DOC2B: variants seen among roughly 807,000 people sequenced by gnomAD.
The protein encoded by DOC2B is double C2 domain beta.
DOC2B carries 21 observed loss-of-function variants against 28.9 expected under a neutral mutation model. That is an observed-to-expected ratio of 0.73 (90% confidence interval 0.52 to 1.05). The LOEUF (loss-of-function observed/expected upper bound fraction) is 1.05. Among genes scored for constraint, DOC2B ranks in the 50% least tolerant of loss-of-function variants. DOC2B has a pLI of 0.00. For synonymous variants in DOC2B, 194 were observed against 178.1 expected, an observed-to-expected ratio of 1.09 and a Z score of -0.71; for missense variants, 384 against 421.1, an observed-to-expected ratio of 0.91 and a Z score of 0.77.
intron 5 of DOC2B, among the ~76,000 whole-genome samples, chr17:158,959 A>G (rs999946484): frequency 3.3e-5 from 5 of 149,788 alleles, no homozygotes; most frequent in African/African-American, 1.2e-4. Context: ...CAGAAGAATC[A>G]CTTGAACCCG....
chr17:170,498 G>A (rs1276890249), intron 2 of DOC2B, among the ~76,000 whole-genome samples: 1 of 152,066 alleles, frequency 6.6e-6, no homozygotes, highest in Non-Finnish European at 1.5e-5. Flanking sequence ...GGGGCAGGGG[G>A]CCTGCAGGTT....
chr17:161,618 C>T, intron 4 of DOC2B, 77 bp from the exon 5 acceptor site: 1 of 1,534,106 alleles, frequency 6.5e-7, no homozygotes, highest in East Asian at 2.5e-5. Flanking sequence ...GCAGGTAGGG[C>T]CAGCCCTGGC....
At chr17:158,486 G>A (rs1567530672) in intron 5 of DOC2B, among the ~76,000 whole-genome samples, 1 of 152,218 alleles carries the variant, frequency 6.6e-6, no homozygotes, top group Non-Finnish European at 1.5e-5. Context: ...GGGATGTTGA[G>A]CAGGGAAGAC....
rs899837753 is a variant in DOC2B, at chr17:172,603, C to A, written c.387G>T (p.Thr129=). ...YESDDCTALG[T]LDFSLLYDQE... is the part of the protein sequence containing the mutation. The stretch of plus-strand genomic sequence containing the variant: ...GGTCATACAGCAGGCTGAAGTCCAG[C>A]GTGCCCAGGGCAGCTGCGGACAGAG... Residue 129 remains threonine (T), a synonymous_variant, in exon 2 of 9, where the codon ACG becomes ACT. Transcript: ENST00000613549. 4 of 1,550,572 alleles carry A rather than the reference C, an allele frequency of 2.6e-6. No individual in the cohort carries two copies. The highest frequency in any genetic ancestry group is 3.5e-6 in the Non-Finnish European group (4 of 1,146,448).
At chr17:165,932 C>T (rs2040258342) in intron 2 of DOC2B, among the ~76,000 whole-genome samples, 1 of 152,230 alleles carries the variant, frequency 6.6e-6, no homozygotes, top group Non-Finnish European at 1.5e-5. Flanking sequence ...CGTTTCCTGA[C>T]ACGTTTCACT....
intron 1 of DOC2B, among the ~76,000 whole-genome samples, chr17:178,295 C>T (rs550875423): frequency 6.6e-6 from 1 of 152,384 alleles, no homozygotes; most frequent in Admixed American, 6.5e-5. Context: ...ACAGAACCAT[C>T]ACCCCAACAG....
intron 5 of DOC2B, 90 bp downstream of exon 5, chr17:161,325 T>C: frequency 7.4e-7 from 1 of 1,357,388 alleles, no homozygotes; most frequent in African/African-American, 1.4e-5. Flanking sequence ...ACTCTGCCCC[T>C]CATGAGTCCC....
intron 1 of DOC2B, among the ~76,000 whole-genome samples, chr17:176,002 C>T (rs1490216483): frequency 3.3e-5 from 5 of 152,198 alleles, no homozygotes; most frequent in Admixed American, 6.5e-5. Context: ...AATAGAAGCT[C>T]GGTCACAGTT....
At chr17:177,602 C>T (rs372221990) in intron 1 of DOC2B, among the ~76,000 whole-genome samples, 3 of 152,388 alleles carry the variant, frequency 2.0e-5, no homozygotes, top group African/African-American at 7.2e-5. Context: ...GTTCTTGCCT[C>T]CCTGTCCCTC....
Position 156,271 on chromosome 17 carries a change from G to C in DOC2B, c.872C>G (p.Ala291Gly). The C allele has an allele frequency of 6.4e-7, 1 of 1,551,756 alleles. No individual in the cohort carries two copies. The highest frequency in any genetic ancestry group is 1.2e-5 in the South Asian group (1 of 84,068). The change falls in exon 6 of 9, where the codon GCC becomes GGC. Residue 291 changes from alanine to glycine, a missense_variant. By Grantham distance (60) the Ala-to-Gly change is moderately conservative. Transcript: ENST00000613549. ...QGLLVGIVRC[A>G]HLAAMDANGY... ...GTTGGCGTCCATGGCGGCCAGGTGG[G>C]CGCACCGCACGATGCCTACCAGCAG...
Position 146,248 on chromosome 17 carries a change from G to T in DOC2B, c.*1193C>A, listed in dbSNP as rs2151456098. The T allele has an allele frequency of 6.6e-6, 1 of 152,526 alleles. No individual in the cohort carries two copies. Among genetic ancestry groups the T allele is most frequent in the African/African-American group, 2.4e-5 (1 of 41,574 alleles). The allele number at this position is 152,526 out of a possible 1,614,324, so 9.4% of individuals were successfully genotyped here. A position where few individuals can be genotyped will look rare whatever the true frequency, so the allele number is the denominator to read the frequency against. ...CCAAGATGCCACGAGCAAGCACCCG[G>T]AGGCCCCCAGTGTGAGCCATGGAGT... On this transcript the variant is annotated 3_prime_UTR_variant, in exon 9 of 9. Coordinates refer to ENST00000613549, the MANE Select transcript of DOC2B (RefSeq NM_003585.5).
At chr17:152,075 C>T (rs1173609159) in intron 6 of DOC2B, among the ~76,000 whole-genome samples, 1 of 152,138 alleles carries the variant, frequency 6.6e-6, no homozygotes, top group African/African-American at 2.4e-5. Context: ...TGGTCCTGGC[C>T]ACCGGGGCTC....
chr17:149,396 G>T (rs1567525877), intron 6 of DOC2B, among the ~76,000 whole-genome samples: 1 of 152,068 alleles, frequency 6.6e-6, no homozygotes. Flanking sequence ...TTCATCCACC[G>T]CACTTCTGTT....
chr17:144,055 C>A lies in DOC2B; in HGVS notation c.*3386G>T, dbSNP rs1206147827. 1.1e-5 allele frequency: 1 copy of A among 88,426 alleles called. No homozygotes were observed. Among genetic ancestry groups the A allele is most frequent in the African/African-American group, 4.9e-5 (1 of 20,426 alleles). 5.5% of individuals were successfully genotyped at this position (88,426 alleles called of 1,614,324 possible). On this transcript the variant is annotated 3_prime_UTR_variant, in exon 9 of 9. Transcript: ENST00000613549. ...CTTCGGGGCTGGAAGACGGGCCCGT[C>A]GGGGATTGGCGCAGGCGGCGGGCGG... is the stretch of plus-strand genomic sequence containing the variant.
At chr17:164,556 C>T (rs930944292) in intron 2 of DOC2B, among the ~76,000 whole-genome samples, 2 of 152,200 alleles carry the variant, frequency 1.3e-5, no homozygotes, top group Non-Finnish European at 2.9e-5. Context: ...CTCCCATCTA[C>T]CAAGCGTGGC....
At chr17:158,909 G>A (rs1211799623) in intron 5 of DOC2B, among the ~76,000 whole-genome samples, 1 of 152,106 alleles carries the variant, frequency 6.6e-6, no homozygotes, top group Non-Finnish European at 1.5e-5. Context: ...GCCGGGTGTG[G>A]TGGCGCATGC....
chr17:157,819 G>A (rs573917543), intron 5 of DOC2B, among the ~76,000 whole-genome samples: 19 of 152,334 alleles, frequency 1.2e-4, no homozygotes, highest in Non-Finnish European at 2.2e-4. Flanking sequence ...GCTTGTACTA[G>A]TGAAGGCAGG....
chr17:178,556 G>T (rs911087323), intron 1 of DOC2B, among the ~76,000 whole-genome samples: 3 of 152,236 alleles, frequency 2.0e-5, no homozygotes, highest in Non-Finnish European at 4.4e-5. Flanking sequence ...CACCCTAGGA[G>T]AACTGGCAGG....
chr17:147,990 C>A (rs2040034386), intron 8 of DOC2B, among the ~76,000 whole-genome samples, 183 bp downstream of exon 8: 1 of 152,160 alleles, frequency 6.6e-6, no homozygotes, highest in African/African-American at 2.4e-5. Flanking sequence ...TCCCAGAACT[C>A]CTTCCATCCC....
Sources: allele counts gnomAD v4.1 joint callset (sites outside exome capture counted in the v4.1 genomes callset), GRCh38; gene constraint gnomAD v4.1.1; transcripts MANE v1.5; gene names NCBI Gene and HGNC (gene_info 2026-07-23, HGNC 2026-07-21).